PWP1: variants seen among roughly 807,000 people sequenced by gnomAD.
PWP1 encodes the protein PWP1 homolog, endonuclein.
A neutral mutation model predicts 69.9 loss-of-function variants in PWP1; 47 were observed. That is an observed-to-expected ratio of 0.67 (90% CI 0.53 to 0.86). The LOEUF (loss-of-function observed/expected upper bound fraction) is 0.86, where lower values mean the gene tolerates loss of function less well. PWP1 is among the 40% of genes least tolerant of loss of function. The pLI, the probability that PWP1 is intolerant of heterozygous loss-of-function variation, is 0.00. For synonymous variants in PWP1, 222 were observed against 208.2 expected (o/e 1.07, Z -0.57); for missense variants, 551 against 608.8 (o/e 0.91, Z 1.00).
In PWP1 at chr12:107,701,606, T is replaced by TG. The variant is rs1593146588; in HGVS notation, c.807-1329_807-1328insG. 2.6e-5 allele frequency among the ~76,000 whole-genome samples: 4 copies of TG among 152,308 alleles called. 1 individual carries two copies. Among genetic ancestry groups the TG allele is most frequent in the South Asian group, 2.1e-4 (1 of 4,820 alleles). On this transcript the variant is annotated intron_variant, in intron 8 of 14. Coordinates refer to ENST00000412830, the MANE Select transcript of PWP1 (RefSeq NM_007062.3). The stretch of plus-strand genomic sequence containing the variant: ...GTCTATGATCCATTTTGAGTTTTTT[T>TG]TGTGTGTATGGTGTGAGGTAGGGGT...
At chr12:107,698,586 A>G (rs1889640760) in intron 7 of PWP1, among the ~76,000 whole-genome samples, 1 of 151,790 alleles carries the variant, frequency 6.6e-6, no homozygotes, top group Non-Finnish European at 1.5e-5. Context: ...TTTTTTCTTT[A>G]TTTTTCTTTT....
Position 107,704,277 on chromosome 12 carries a change from G to A in PWP1, c.966-359G>A, listed in dbSNP as rs543681833. Among the ~76,000 whole-genome samples, 8 of 152,312 alleles carry A rather than the reference G, an allele frequency of 5.3e-5. 1 individual carries two copies. The South Asian group carries it at 1.7e-3, about 32-fold the overall frequency. On this transcript the variant is annotated intron_variant, in intron 10 of 14. Transcript: ENST00000412830. Reference sequence around the variant, plus strand: ...TCCCCTAACATGATAAACTGCTTATGGAGAGTAAGTGTGCCTAAGACATGA... The same window carrying A: ...TCCCCTAACATGATAAACTGCTTATAGAGAGTAAGTGTGCCTAAGACATGA...
Position 107,696,547 on chromosome 12 carries a change from A to G in PWP1, c.576A>G (p.Glu192=), listed in dbSNP as rs1373578285. 5.0e-6 allele frequency: 8 copies of G among 1,614,140 alleles called. No homozygotes were observed. Among genetic ancestry groups the G allele is most frequent in the Non-Finnish European group, 6.8e-6 (8 of 1,180,004 alleles). The change falls in exon 6 of 15, where the codon GAA becomes GAG. Residue 192 remains glutamate, a synonymous_variant. Coordinates refer to ENST00000412830, the MANE Select transcript of PWP1 (RefSeq NM_007062.3). The part of the protein sequence containing the change: ...ILLSAYPLSV[E]WLNFDPSPDD... ...TGTCTGCATATCCTCTGAGTGTGGA[A>G]TGGCTGAATTTTGATCCTAGCCCAG...
intron 1 of PWP1, among the ~76,000 whole-genome samples, chr12:107,687,436 C>A (rs924620247): frequency 6.6e-6 from 1 of 152,196 alleles, no homozygotes; most frequent in Non-Finnish European, 1.5e-5. Context: ...ATGTTTATGT[C>A]CCACTCCCAA....
intron 1 of PWP1, among the ~76,000 whole-genome samples, chr12:107,687,078 TA>T (rs912320585): frequency 1.3e-5 from 2 of 148,576 alleles, no homozygotes; most frequent in African/African-American, 5.0e-5. Flanking sequence ...TACCAAACAG[TA>T]AAAGGGGTTG....
intron 8 of PWP1, among the ~76,000 whole-genome samples, chr12:107,701,459 T>G (rs963106047): frequency 5.3e-5 from 8 of 152,158 alleles, no homozygotes; most frequent in Admixed American, 6.6e-5. Flanking sequence ...GGTGTCTACT[T>G]TATTTCTTTT....
At chr12:107,709,350 T>C (rs1889896497) in intron 13 of PWP1, 118 bp downstream of exon 13, 4 of 1,304,568 alleles carry the variant, frequency 3.1e-6, no homozygotes, top group East Asian at 2.3e-5. Context: ...TATGGATGTG[T>C]TGGGGAAGTG....
intron 3 of PWP1, among the ~76,000 whole-genome samples, chr12:107,690,837 A>G (rs113358720): frequency 1.3e-4 from 20 of 152,214 alleles, no homozygotes; most frequent in African/African-American, 4.1e-4. Flanking sequence ...TCATTTTTCA[A>G]AATTTCTATA....
intron 6 of PWP1, 60 bp from the exon 7 acceptor site, chr12:107,697,407 G>A (rs1279100814): frequency 1.3e-5 from 19 of 1,492,420 alleles, no homozygotes; most frequent in Non-Finnish European, 1.7e-5. Flanking sequence ...TAATGTATTT[G>A]ATTAGAAGTT....
At chr12:107,699,822 A>G (rs753404229) in intron 8 of PWP1, among the ~76,000 whole-genome samples, 1 of 152,252 alleles carries the variant, frequency 6.6e-6, no homozygotes, top group African/African-American at 2.4e-5. Context: ...CAAAATACAT[A>G]TAACATAAAA....
At chr12:107,699,306 A>G in intron 7 of PWP1, 67 bp from the exon 8 acceptor site, 3 of 1,196,034 alleles carry the variant, frequency 2.5e-6, no homozygotes, top group Non-Finnish European at 3.7e-6. Context: ...AATTTTGCAG[A>G]TTAATATATT....
intron 14 of PWP1, 57 bp from the exon 15 acceptor site, chr12:107,712,054 A>G (rs183784053): frequency 1.1e-4 from 158 of 1,435,226 alleles, no homozygotes; most frequent in Non-Finnish European, 1.1e-4. Context: ...GTGTCTTTTT[A>G]TATTCTGACT....
chr12:107,696,577 T>C lies in PWP1; in HGVS notation c.606T>C (p.Asp202=). The C allele has an allele frequency of 1.2e-6, 2 of 1,614,094 alleles. No homozygotes were observed. The highest frequency in any genetic ancestry group is 8.5e-7 in the Non-Finnish European group (1 of 1,179,984). Residue 202 remains aspartate, a synonymous_variant, in exon 6 of 15, where the codon GAT becomes GAC. Coordinates refer to ENST00000412830, the MANE Select transcript of PWP1 (RefSeq NM_007062.3). ...EWLNFDPSPD[D]STGNYIAVGN... ...TGAATTTTGATCCTAGCCCAGATGATTCTACTGGTAATTAGAAAACTTAAG... is the reference window on the plus strand; with the variant it reads ...TGAATTTTGATCCTAGCCCAGATGACTCTACTGGTAATTAGAAAACTTAAG...
At chr12:107,691,810 G>T (rs1490783211) in intron 3 of PWP1, among the ~76,000 whole-genome samples, 1 of 152,014 alleles carries the variant, frequency 6.6e-6, no homozygotes, top group East Asian at 1.9e-4. Flanking sequence ...TCATTCGCTT[G>T]GCCATCTGTC....
intron 11 of PWP1, 98 bp from the exon 12 acceptor site, chr12:107,708,828 G>A: frequency 9.2e-7 from 1 of 1,084,830 alleles, no homozygotes; most frequent in Non-Finnish European, 1.4e-6. Flanking sequence ...AGTTCCACCA[G>A]TAAGTCATAT....
intron 9 of PWP1, 96 bp from the exon 10 acceptor site, chr12:107,703,589 A>T: frequency 3.8e-6 from 4 of 1,050,854 alleles, no homozygotes; most frequent in Non-Finnish European, 5.9e-6. Context: ...GGACGCATTT[A>T]TAGAAATACT....
chr12:107,703,092 A>C, intron 9 of PWP1, 61 bp downstream of exon 9: 1 of 1,206,950 alleles, frequency 8.3e-7, no homozygotes, highest in Non-Finnish European at 1.2e-6. Flanking sequence ...TTGGCTAAAA[A>C]TAATCCCAAA....
chr12:107,703,586 T>C, intron 9 of PWP1, 99 bp from the exon 10 acceptor site: 3 of 1,009,738 alleles, frequency 3.0e-6, no homozygotes, highest in African/African-American at 3.2e-5. Flanking sequence ...GAGGGACGCA[T>C]TTATAGAAAT....
At chr12:107,691,332 A>C (rs1233914652) in intron 3 of PWP1, among the ~76,000 whole-genome samples, 4 of 152,200 alleles carry the variant, frequency 2.6e-5, no homozygotes, top group Admixed American at 1.3e-4. Flanking sequence ...AGAAAGACTT[A>C]ATTGGGTCCC....
Sources: gnomAD v4.1 joint callset for allele counts (sites outside exome capture counted in the v4.1 genomes callset) on GRCh38, gnomAD v4.1.1 for gene constraint, MANE v1.5 for transcripts, NCBI Gene and HGNC (gene_info 2026-07-23, HGNC 2026-07-21) for gene names.